FGF12: variants seen among roughly 807,000 people sequenced by gnomAD.
The protein encoded by FGF12 is fibroblast growth factor 12, also known as fibroblast growth factor 12B.
Under a neutral mutation model 23.6 loss-of-function variants are expected in FGF12, and 14 were observed. The ratio of observed to expected loss-of-function variants is 0.59; its 90% CI spans 0.39 to 0.93. The LOEUF is 0.93. Among genes scored for constraint, FGF12 ranks in the 40% least tolerant of loss-of-function variants. The probability of loss-of-function intolerance (pLI) is 0.00; values close to 1 mark genes in which losing one functional copy is unlikely to be tolerated. For missense variants in FGF12, 175 were observed against 217.8 expected (o/e 0.80, Z 1.24); for synonymous variants, 62 against 77.3 (o/e 0.80, Z 1.04).
chr3:192,553,308 A>G (rs1003883646), intron 2 of FGF12, among the ~76,000 whole-genome samples: 19 of 152,176 alleles, frequency 1.2e-4, no homozygotes, highest in African/African-American at 4.3e-4. Flanking sequence ...ACATATGTAG[A>G]AGAAAAATAT....
At chr3:192,455,810 G>A (rs1722663344) in intron 2 of FGF12, among the ~76,000 whole-genome samples, 1 of 152,168 alleles carries the variant, frequency 6.6e-6, no homozygotes. Context: ...AATATGTTCA[G>A]AATAACCACA....
At chr3:192,223,674 ACTGT>A (rs1368644353) in intron 4 of FGF12, among the ~76,000 whole-genome samples, 1 of 152,132 alleles carries the variant, frequency 6.6e-6, no homozygotes, top group Non-Finnish European at 1.5e-5. Context: ...GTTTGCCGTA[ACTGT>A]CTATTACAGG....
intron 2 of FGF12, among the ~76,000 whole-genome samples, chr3:192,461,684 T>A (rs1422989049): frequency 2.6e-5 from 4 of 152,090 alleles, no homozygotes; most frequent in African/African-American, 4.8e-5. Flanking sequence ...GGGGAAGATG[T>A]TTTTTAAAAA....
intron 5 of FGF12, among the ~76,000 whole-genome samples, chr3:192,154,760 T>C (rs1714263960): frequency 1.4e-5 from 2 of 145,002 alleles, no homozygotes; most frequent in South Asian, 4.6e-4. Context: ...GTTACTGCTG[T>C]CTTTTTGTTT....
intron 2 of FGF12, among the ~76,000 whole-genome samples, chr3:192,576,439 A>T (rs1393085965): frequency 6.6e-6 from 1 of 152,160 alleles, no homozygotes. Context: ...ATAACACTGA[A>T]ATGTTTAAGA....
At chr3:192,704,125 T>C (rs78999470) in intron 2 of FGF12, among the ~76,000 whole-genome samples, 5,592 of 152,290 alleles carry the variant, frequency 0.037, 370 homozygotes, top group African/African-American at 0.13. Flanking sequence ...ATGACTCCTT[T>C]CCAGAAGATG....
At chr3:192,445,602 A>T (rs1722331148) in intron 2 of FGF12, among the ~76,000 whole-genome samples, 1 of 152,116 alleles carries the variant, frequency 6.6e-6, no homozygotes, top group Admixed American at 6.6e-5. Flanking sequence ...AGCTCATCAG[A>T]GATCCATATC....
At chr3:192,286,672 G>A (rs893940020) in intron 4 of FGF12, among the ~76,000 whole-genome samples, 1 of 151,998 alleles carries the variant, frequency 6.6e-6, no homozygotes, top group Non-Finnish European at 1.5e-5. Flanking sequence ...TTTATCTATT[G>A]TGTTAATTAA....
chr3:192,443,066 C>G (rs1006611288), intron 2 of FGF12, among the ~76,000 whole-genome samples: 1 of 152,074 alleles, frequency 6.6e-6, no homozygotes, highest in Admixed American at 6.5e-5. Flanking sequence ...CCTCAACCTC[C>G]TAAAGTGCTG....
chr3:192,326,364 G>C (rs1716819573), intron 4 of FGF12, among the ~76,000 whole-genome samples: 1 of 152,082 alleles, frequency 6.6e-6, no homozygotes, highest in Non-Finnish European at 1.5e-5. Flanking sequence ...TTAGAGGAGG[G>C]AATAACAACC....
chr3:192,360,375 C>T lies in FGF12; in HGVS notation c.124+53G>A. On this transcript the variant is annotated intron_variant, in intron 3 of 5. Coordinates refer to ENST00000445105, the MANE Select transcript of FGF12 (RefSeq NM_004113.6). The surrounding 1 kb of genome is among the most constrained non-coding windows in gnomAD (Gnocchi z 4.3). ...AGCAATGCTTTAAGTATAAGATACA[C>T]TGGGCCCTACATTTGATTTGTAATC... 4.8e-6 allele frequency: 6 copies of T among 1,251,060 alleles called. No individual in the cohort carries two copies. The highest frequency in any genetic ancestry group is 5.9e-6 in the Non-Finnish European group (5 of 850,196). The allele number at this position is 1,251,060 out of a possible 1,614,324, so 77.5% of individuals were successfully genotyped here.
intron 2 of FGF12, among the ~76,000 whole-genome samples, chr3:192,641,634 G>A (rs915024529): frequency 4.0e-5 from 6 of 149,762 alleles, no homozygotes; most frequent in East Asian, 2.0e-4. Context: ...TTGAACTCCC[G>A]ACCTCAGGTG....
At chr3:192,659,707 T>C (rs941186986) in intron 2 of FGF12, among the ~76,000 whole-genome samples, 1 of 152,162 alleles carries the variant, frequency 6.6e-6, no homozygotes, top group Non-Finnish European at 1.5e-5. Context: ...TTCTAGATCG[T>C]TGAGGAATCG....
intron 2 of FGF12, among the ~76,000 whole-genome samples, chr3:192,686,369 T>G (rs1247962824): frequency 6.6e-6 from 1 of 152,088 alleles, no homozygotes; most frequent in African/African-American, 2.4e-5. Context: ...TAGGCTTGTA[T>G]GATCTTAGCG....
chr3:192,581,428 A>G (rs12634470), intron 2 of FGF12, among the ~76,000 whole-genome samples: 3 of 148,580 alleles, frequency 2.0e-5, no homozygotes, highest in African/African-American at 2.5e-5. Flanking sequence ...ATGTGTGTGT[A>G]TATATATATG....
chr3:192,320,834 T>C (rs1303779524), intron 4 of FGF12, among the ~76,000 whole-genome samples: 4 of 152,056 alleles, frequency 2.6e-5, no homozygotes, highest in African/African-American at 9.7e-5. Flanking sequence ...GGAAAGCTGA[T>C]AGGTATAAGT....
In FGF12 at chr3:192,406,225, T is replaced by C. The variant is rs1160207620; in HGVS notation, c.14-45687A>G. On this transcript the variant is annotated intron_variant, in intron 2 of 5. Coordinates refer to ENST00000445105, the MANE Select transcript of FGF12 (RefSeq NM_004113.6). ...AATGAAGCCATGCAAAAGTAACCCA[T>C]TGATCATCTCCAAGTCAACTCCAGA... Among the ~76,000 whole-genome samples, 7 of 151,886 alleles carry C rather than the reference T, an allele frequency of 4.6e-5. No individual in the cohort carries two copies. The East Asian group carries it at 9.7e-4, about 21-fold the overall frequency.
intron 2 of FGF12, among the ~76,000 whole-genome samples, chr3:192,405,296 T>C (rs1720914816): frequency 6.6e-6 from 1 of 151,218 alleles, no homozygotes. Context: ...CCACTGTATT[T>C]ATACAGCTTC....
intron 2 of FGF12, among the ~76,000 whole-genome samples, chr3:192,683,240 G>C (rs1577119160): frequency 6.6e-6 from 1 of 152,166 alleles, no homozygotes. Flanking sequence ...AATCTTGTTG[G>C]GGATTGCGTC....
Sources: gnomAD v4.1 joint callset for allele counts (sites outside exome capture counted in the v4.1 genomes callset) on GRCh38, gnomAD v4.1.1 for gene constraint, Gnocchi (gnomAD v3.1) non-coding constraint, MANE v1.5 for transcripts, NCBI Gene and HGNC (gene_info 2026-07-23, HGNC 2026-07-21) for gene names.